Variants in FANCI observed in about 807,000 individuals in gnomAD.
FANCI encodes FA complementation group I.
FANCI carries 156 observed loss-of-function variants against 176.1 expected under a neutral mutation model. The observed-to-expected ratio is 0.89, with a 90% CI of 0.78 to 1.01. FANCI has a LOEUF of 1.01. FANCI is among the 50% of genes least tolerant of loss of function. The pLI, the probability that FANCI is intolerant of heterozygous loss-of-function variation, is 0.00. For missense variants in FANCI, 1,678 were observed against 1,534.1 expected (o/e 1.09, Z -1.57); for synonymous variants, 613 against 541.7 (o/e 1.13, Z -1.83).
At chr15:89,262,739 A>AT (rs1192186711) in intron 6 of FANCI, among the ~76,000 whole-genome samples, 4 of 152,188 alleles carry the variant, frequency 2.6e-5, no homozygotes, top group Non-Finnish European at 2.9e-5. Context: ...TATACCTTGC[A>AT]TTTTTTATTT....
intron 19 of FANCI, 103 bp downstream of exon 19, chr15:89,290,384 T>C: frequency 1.1e-6 from 1 of 885,188 alleles, no homozygotes; most frequent in South Asian, 1.4e-5. Context: ...TCCCAACTAG[T>C]ACATTAGTAC....
chr15:89,248,302 A>G (rs1337852606), intron 2 of FANCI, among the ~76,000 whole-genome samples: 1 of 152,208 alleles, frequency 6.6e-6, no homozygotes, highest in African/African-American at 2.4e-5. Flanking sequence ...ATCTCATCCT[A>G]TCCAGGTCCC....
intron 4 of FANCI, 113 bp from the exon 5 acceptor site, chr15:89,261,472 C>T (rs556867988): frequency 7.7e-7 from 1 of 1,306,898 alleles, no homozygotes; most frequent in South Asian, 1.2e-5. Flanking sequence ...CTTATGGGAC[C>T]AGTTCTGGAT....
In FANCI at chr15:89,268,386, T is replaced by C; in HGVS notation, c.756-13T>C. The C allele has an allele frequency of 6.2e-7, 1 of 1,614,102 alleles. No individual in the cohort carries two copies. The highest frequency in any genetic ancestry group is 2.2e-5 in the East Asian group (1 of 44,876). On this transcript the variant is annotated splice_polypyrimidine_tract_variant and intron_variant, in intron 9 of 37. Coordinates refer to ENST00000310775, the MANE Select transcript of FANCI (RefSeq NM_001113378.2). ...GCACCTTATAGCTCATAACTTTCTGTTGAATCTTTTAGGCTATTGGATGTT... is the reference window on the plus strand; with the variant it reads ...GCACCTTATAGCTCATAACTTTCTGCTGAATCTTTTAGGCTATTGGATGTT...
At chr15:89,310,727 C>T (rs1291299441) in intron 34 of FANCI, among the ~76,000 whole-genome samples, 2 of 152,182 alleles carry the variant, frequency 1.3e-5, no homozygotes, top group African/African-American at 2.4e-5. Flanking sequence ...CTCTTGTAGC[C>T]CCCTCTTCAT....
intron 1 of FANCI, among the ~76,000 whole-genome samples, chr15:89,245,994 G>T (rs28712181): frequency 6.6e-6 from 1 of 152,086 alleles, no homozygotes; most frequent in African/African-American, 2.4e-5. Context: ...ATATTTAGTA[G>T]GTAACATTGA....
Position 89,307,641 on chromosome 15 carries a change from CCCT to C in FANCI, c.3621_3623del (p.Leu1208del). ...AAGCTGTCTGGTTCTCATCTGACCC[CCCT>C]GTGTTATTCTTTCATTTCTTACGTA... On this transcript the variant is annotated inframe_deletion, in exon 34 of 38. Transcript: ENST00000310775. 1 of 1,614,122 alleles carries C rather than the reference CCCT, an allele frequency of 6.2e-7. No homozygotes were observed. Among genetic ancestry groups the C allele is most frequent in the South Asian group, 1.1e-5 (1 of 91,074 alleles).
intron 23 of FANCI, 33 bp downstream of exon 23, chr15:89,294,030 A>G (rs777289863): frequency 6.2e-7 from 1 of 1,612,510 alleles, no homozygotes; most frequent in Non-Finnish European, 8.5e-7. Flanking sequence ...AAAGACAGCC[A>G]CTCCCTGAGG....
In FANCI at chr15:89,316,783, A is replaced by G; in HGVS notation, c.*324A>G. On this transcript the variant is annotated 3_prime_UTR_variant, in exon 38 of 38. Transcript: ENST00000310775. ...CCAGGCTGGCTTCGTTTTTCCAAGG[A>G]GCCTTTGGTGAGTTCAATTATCTGG... 1.2e-6 allele frequency: 2 copies of G among 1,613,992 alleles called. No individual in the cohort carries two copies. The highest frequency in any genetic ancestry group is 1.7e-6 in the Non-Finnish European group (2 of 1,179,892).
At position 89,273,510 on chromosome 15, in the gene FANCI, GTAAA is replaced by G. The variant is rs777154321; in HGVS notation, c.975+42_975+45del. 33 of 660,406 alleles carry G rather than the reference GTAAA, an allele frequency of 5.0e-5. No individual in the cohort carries two copies. The African/African-American group carries it at 6.3e-4, about 13-fold the overall frequency. The allele number at this position is 660,406 out of a possible 1,614,324, so 40.9% of individuals were successfully genotyped here. A position where few individuals can be genotyped will look rare whatever the true frequency, so the allele number is the denominator to read the frequency against. ...GCCATTTTGTTTCTTTCTGTAGTTG[GTAAA>G]AAAAAAAAAAAAAAAAAAAAATCAC... is the stretch of plus-strand genomic sequence containing the variant. On this transcript the variant is annotated intron_variant, in intron 11 of 37. Transcript: ENST00000310775.
chr15:89,314,523 A>G, intron 35 of FANCI, 89 bp from the exon 36 acceptor site: 1 of 958,012 alleles, frequency 1.0e-6, no homozygotes, highest in South Asian at 1.3e-5. Flanking sequence ...TTTCCCCTAA[A>G]GCCATACAGT....
chr15:89,256,158 C>T (rs760466389), intron 2 of FANCI, among the ~76,000 whole-genome samples: 15 of 152,200 alleles, frequency 9.9e-5, no homozygotes, highest in Admixed American at 4.6e-4. Context: ...GCAGTGCTCA[C>T]GTTTTGGCTC....
At position 89,262,771 on chromosome 15, in the gene FANCI, A is replaced by G. The variant is rs150636708; in HGVS notation, c.504-648A>G. Reference sequence around the variant, plus strand: ...ATTTAATACAACTGTCCATGTCAGCATATACAACTCTACATCATTCTTTTT... The same window carrying G: ...ATTTAATACAACTGTCCATGTCAGCGTATACAACTCTACATCATTCTTTTT... On this transcript the variant is annotated intron_variant, in intron 6 of 37. Transcript: ENST00000310775. 2.7e-3 allele frequency among the ~76,000 whole-genome samples: 412 copies of G among 152,372 alleles called. 8 individuals are homozygous for G. The highest frequency in any genetic ancestry group is 0.015 in the East Asian group (77 of 5,192).
At chr15:89,252,249 C>T (rs2052286473) in intron 2 of FANCI, among the ~76,000 whole-genome samples, 1 of 148,706 alleles carries the variant, frequency 6.7e-6, no homozygotes, top group African/African-American at 2.5e-5. Flanking sequence ...GCAGTGAGCC[C>T]AGATTGCACC....
chr15:89,261,020 C>T (rs1383375623), intron 4 of FANCI, among the ~76,000 whole-genome samples, 177 bp downstream of exon 4: 1 of 152,136 alleles, frequency 6.6e-6, no homozygotes. Context: ...AATCCCAGCA[C>T]TTTGGGAGGC....
At chr15:89,274,793 C>G (rs921216762) in intron 12 of FANCI, among the ~76,000 whole-genome samples, 2 of 151,770 alleles carry the variant, frequency 1.3e-5, no homozygotes, top group Admixed American at 6.6e-5. Context: ...TTTGTAGAGA[C>G]AGAGTTTCGC....
At chr15:89,274,081 CTTTAT>C in intron 11 of FANCI, 82 bp from the exon 12 acceptor site, 1 of 1,058,728 alleles carries the variant, frequency 9.4e-7, no homozygotes, top group Non-Finnish European at 1.4e-6. Context: ...ATAATATTTG[CTTTAT>C]TTTCTTATTT....
intron 2 of FANCI, among the ~76,000 whole-genome samples, chr15:89,258,007 T>C (rs979581701): frequency 1.1e-4 from 17 of 152,186 alleles, no homozygotes; most frequent in African/African-American, 4.1e-4. Context: ...TCTGGTCCTT[T>C]CCCGTTTCTC....
chr15:89,308,069 A>G, intron 34 of FANCI: 2 of 1,131,762 alleles, frequency 1.8e-6, no homozygotes, highest in African/African-American at 1.6e-5. Flanking sequence ...GGGCACTTTC[A>G]GGGAAGTGGA....
Sources: allele counts gnomAD v4.1 joint callset (sites outside exome capture counted in the v4.1 genomes callset), GRCh38; gene constraint gnomAD v4.1.1; transcripts MANE v1.5; gene names NCBI Gene and HGNC (gene_info 2026-07-23, HGNC 2026-07-21).